The following CCDC80 variants were observed in gnomAD, a reference collection of about 807,000 sequenced individuals.
CCDC80 encodes the protein coiled-coil domain-containing protein 80.
A neutral mutation model predicts 78.7 loss-of-function variants in CCDC80; 49 were observed. The observed-to-expected ratio is 0.62, with a 90% CI of 0.50 to 0.79. The LOEUF is 0.79. CCDC80 is among the 30% of genes least tolerant of loss of function. The probability of loss-of-function intolerance (pLI) is 0.00; values close to 1 mark genes in which losing one functional copy is unlikely to be tolerated. For missense variants in CCDC80, 1,205 were observed against 1,198.6 expected (o/e 1.01, Z -0.08); for synonymous variants, 488 against 447.0 (o/e 1.09, Z -1.16).
Position 112,638,242 on chromosome 3 carries a change from T to C in CCDC80, c.1664A>G (p.Lys555Arg). The C allele has an allele frequency of 4.3e-6, 7 of 1,613,756 alleles. No individual in the cohort carries two copies. The highest frequency in any genetic ancestry group is 5.9e-6 in the Non-Finnish European group (7 of 1,179,714). Residue 555 changes from lysine to arginine, a missense_variant, in exon 2 of 8, where the codon AAG (lysine) becomes AGG (arginine). Physicochemically the swap from Lys to Arg is conservative, Grantham distance 26 (BLOSUM62 2). Coordinates refer to ENST00000206423, the MANE Select transcript of CCDC80 (RefSeq NM_199511.3). Reference protein sequence around the residue: ...KPEKEKKKKMKNENADKLLKS... With the variant: ...KPEKEKKKKMRNENADKLLKS... ...AAGTAACTTGTCTGCGTTCTCATTC[T>C]TCATCTTTTTTTTCTTCTCCTTCTC...
intron 3 of CCDC80, among the ~76,000 whole-genome samples, chr3:112,619,342 CT>C: frequency 6.6e-6 from 1 of 152,332 alleles, no homozygotes. Context: ...TCTGTCCATC[CT>C]GTTCACAGCA....
At chr3:112,625,723 T>C (rs1314304601) in intron 3 of CCDC80, among the ~76,000 whole-genome samples, 2 of 152,076 alleles carry the variant, frequency 1.3e-5, no homozygotes, top group Non-Finnish European at 2.9e-5. Context: ...AAAAAAGTAC[T>C]AAATGAATAA....
rs1178199793 is a variant in CCDC80, at chr3:112,638,358, A to T, written c.1548T>A (p.Thr516=). ...YEEKYDLSRP[T]ASQLEDELQV... is the part of the protein sequence containing the mutation. The stretch of plus-strand genomic sequence containing the variant: ...GCAGCTCGTCCTCCAGCTGAGAGGC[A>T]GTAGGCCGGCTGAGGTCATACTTCT... The change falls in exon 2 of 8, where the codon ACT becomes ACA. Residue 516 remains threonine (T), a synonymous_variant. Transcript: ENST00000206423. The T allele has an allele frequency of 6.2e-7, 1 of 1,614,016 alleles. No individual in the cohort carries two copies. The highest frequency in any genetic ancestry group is 8.5e-7 in the Non-Finnish European group (1 of 1,180,016).
Position 112,638,155 on chromosome 3 carries a change from T to G in CCDC80, c.1751A>C (p.Lys584Thr). ...TTCTGTTTTACCTCCTTTTTTCTTCTTGCTCTTCTCTTTCTCTTGCTTGCT... is the reference window on the plus strand; with the variant it reads ...TTCTGTTTTACCTCCTTTTTTCTTCGTGCTCTTCTCTTTCTCTTGCTTGCT... Reference protein sequence around the residue: ...KKSKQEKEKSKKKKGGKTEQD... With the variant: ...KKSKQEKEKSTKKKGGKTEQD... The change falls in exon 2 of 8, where the codon AAG becomes ACG. Residue 584 changes from lysine (K) to threonine (T), a missense_variant. By Grantham distance (78) the Lys-to-Thr change is moderately conservative. Coordinates refer to ENST00000206423, the MANE Select transcript of CCDC80 (RefSeq NM_199511.3). The G allele has an allele frequency of 7.4e-6, 12 of 1,614,164 alleles. No homozygotes were observed. Among genetic ancestry groups the G allele is most frequent in the Non-Finnish European group, 1.0e-5 (12 of 1,179,990 alleles).
intron 6 of CCDC80, among the ~76,000 whole-genome samples, chr3:112,608,438 A>T (rs989556719): frequency 1.8e-4 from 28 of 152,332 alleles, no homozygotes; most frequent in African/African-American, 6.3e-4. Flanking sequence ...AAAAGGGAAG[A>T]TCATCAATTT....
In CCDC80 at chr3:112,638,056, C is replaced by G. The variant is rs752908256; in HGVS notation, c.1850G>C (p.Gly617Ala). Residue 617 changes from glycine (G) to alanine (A), a missense_variant, in exon 2 of 8, where the codon GGG (glycine) becomes GCG (alanine). Physicochemically the swap from Gly to Ala is moderately conservative, Grantham distance 60 (BLOSUM62 0). Transcript: ENST00000206423. ...GAGTCTTCGTTTGCCTTCAAAGGAC[C>G]CCAGCAGGTCGGCCACTGACTTCTT... ...SPKKSVADLLGSFEGKRRLLL... is the reference protein window; with the variant it reads ...SPKKSVADLLASFEGKRRLLL... The G allele has an allele frequency of 8.4e-5, 135 of 1,608,108 alleles. No homozygotes were observed. Among genetic ancestry groups the G allele is most frequent in the Non-Finnish European group, 1.1e-4 (128 of 1,178,510 alleles).
In CCDC80 at chr3:112,638,219, G is replaced by GTTT; in HGVS notation, c.1686_1687insAAA (p.Leu562_Leu563insLys). The GTTT allele has an allele frequency of 2.5e-6, 4 of 1,612,650 alleles. No individual in the cohort carries two copies. Among genetic ancestry groups the GTTT allele is most frequent in the Non-Finnish European group, 3.4e-6 (4 of 1,178,912 alleles). ...TTCTTCATTTGCTTTTCACTCTTAA[G>GTTT]TAACTTGTCTGCGTTCTCATTCTTC... On this transcript the variant is annotated inframe_insertion, in exon 2 of 8. Coordinates refer to ENST00000206423, the MANE Select transcript of CCDC80 (RefSeq NM_199511.3).
chr3:112,610,024 G>T lies in CCDC80; in HGVS notation c.2379C>A (p.Ala793=), dbSNP rs773125885. 9 of 1,613,908 alleles carry T rather than the reference G, an allele frequency of 5.6e-6. No individual in the cohort carries two copies. The highest frequency in any genetic ancestry group is 7.6e-6 in the Non-Finnish European group (9 of 1,179,996). ...TGAGGGCAGAGAGCTGCTGTGAATA[G>T]GCCCAGTCTTCATCGTTAGGAGCAG... is the stretch of plus-strand genomic sequence containing the variant. ...VISAPNDEDW[A]YSQQLSALSG... Residue 793 remains alanine, a synonymous_variant, in exon 6 of 8, where the codon GCC becomes GCA. Transcript: ENST00000206423.
intron 6 of CCDC80, among the ~76,000 whole-genome samples, chr3:112,609,657 T>G (rs1279915358): frequency 6.7e-6 from 1 of 149,592 alleles, no homozygotes; most frequent in African/African-American, 2.6e-5. Context: ...AAGTGAATGG[T>G]AATACCTAAG....
Position 112,638,546 on chromosome 3 carries a change from TG to T in CCDC80, c.1359del (p.Ser454AlafsTer101). On this transcript the variant is annotated frameshift_variant, in exon 2 of 8. Coordinates refer to ENST00000206423, the MANE Select transcript of CCDC80 (RefSeq NM_199511.3). LOFTEE classifies it high-confidence loss of function. ...CGGCCTGGGCCAGCAGCCCTTGTGC[TG>T]GGTTCTGAGATGGTGGTGGGAGGGG... ...TNAPPTTISE[P>X]STRAAGPGRF... 6.2e-7 allele frequency: 1 copy of T among 1,614,072 alleles called. No homozygotes were observed. Among genetic ancestry groups the T allele is most frequent in the East Asian group, 2.2e-5 (1 of 44,870 alleles).
chr3:112,621,719 C>A (rs1250868716), intron 3 of CCDC80, among the ~76,000 whole-genome samples: 1 of 152,206 alleles, frequency 6.6e-6, no homozygotes, highest in Non-Finnish European at 1.5e-5. Context: ...TCAATATAAG[C>A]AGCTAGATCT....
intron 2 of CCDC80, among the ~76,000 whole-genome samples, chr3:112,634,794 A>G (rs185299757): frequency 9.2e-4 from 140 of 152,330 alleles, no homozygotes; most frequent in Non-Finnish European, 1.6e-3. Flanking sequence ...TTCATACCCA[A>G]AAGAATTCAG....
In CCDC80 at chr3:112,640,350, G is replaced by A. The variant is rs1227669851; in HGVS notation, c.-35C>T. 6.1e-6 allele frequency: 1 copy of A among 162,786 alleles called. No individual in the cohort carries two copies. The highest frequency in any genetic ancestry group is 2.4e-5 in the African/African-American group (1 of 41,546). 10.1% of individuals were successfully genotyped at this position (162,786 alleles called of 1,614,324 possible). Reference sequence around the variant, plus strand: ...ACATGGTGGCTCATAGAGATGGAATGCAGAGGGTTGCAAAAGAAATCAGAA... The same window carrying A: ...ACATGGTGGCTCATAGAGATGGAATACAGAGGGTTGCAAAAGAAATCAGAA... On this transcript the variant is annotated 5_prime_UTR_variant, in exon 1 of 8. Coordinates refer to ENST00000206423, the MANE Select transcript of CCDC80 (RefSeq NM_199511.3).
At chr3:112,624,869 C>G (rs78840606) in intron 3 of CCDC80, among the ~76,000 whole-genome samples, 2 of 152,120 alleles carry the variant, frequency 1.3e-5, no homozygotes, top group African/African-American at 4.8e-5. Flanking sequence ...ACATTTCTAG[C>G]CCTCTCTTCA....
At chr3:112,634,081 G>A (rs1193828128) in intron 2 of CCDC80, among the ~76,000 whole-genome samples, 1 of 152,164 alleles carries the variant, frequency 6.6e-6, no homozygotes, top group Non-Finnish European at 1.5e-5. Context: ...AAAAGCTAGA[G>A]GGAAGACACT....
chr3:112,635,828 G>A (rs1205271365), intron 2 of CCDC80, among the ~76,000 whole-genome samples: 1 of 152,184 alleles, frequency 6.6e-6, no homozygotes, highest in Non-Finnish European at 1.5e-5. Context: ...AGTTTCATTT[G>A]CTAGAAATTT....
chr3:112,616,977 TAGA>T (rs1935765642), intron 4 of CCDC80, 119 bp from the exon 5 acceptor site: 1 of 988,960 alleles, frequency 1.0e-6, no homozygotes, highest in Admixed American at 2.4e-5. Flanking sequence ...AATCAGAGCC[TAGA>T]AGATTCATTG....
intron 3 of CCDC80, among the ~76,000 whole-genome samples, chr3:112,629,319 A>G (rs920946055): frequency 5.9e-5 from 9 of 152,072 alleles, no homozygotes; most frequent in Non-Finnish European, 1.3e-4. Flanking sequence ...CAACAACAAA[A>G]CAGTAGAAAG....
chr3:112,638,720 G>A lies in CCDC80; in HGVS notation c.1186C>T (p.Pro396Ser). Residue 396 changes from proline to serine, a missense_variant, in exon 2 of 8, where the codon CCC becomes TCC. Coordinates refer to ENST00000206423, the MANE Select transcript of CCDC80 (RefSeq NM_199511.3). ...GTGATCACCTCAGTGGTTGTAGGGG[G>A]CCTGTGGGAGGGTGAGGGGGTCCAG... The part of the protein sequence containing the change: ...RPWTPSPSHR[P>S]PTTTEVITAR... 6.2e-7 allele frequency: 1 copy of A among 1,614,016 alleles called. No individual in the cohort carries two copies. Among genetic ancestry groups the A allele is most frequent in the Non-Finnish European group, 8.5e-7 (1 of 1,180,000 alleles).
Sources: allele counts gnomAD v4.1 joint callset (sites outside exome capture counted in the v4.1 genomes callset), GRCh38; gene constraint gnomAD v4.1.1; transcripts MANE v1.5; gene names NCBI Gene and HGNC (gene_info 2026-07-23, HGNC 2026-07-21).